Variants in PRKG1 observed in about 807,000 individuals in gnomAD.
PRKG1 encodes the protein protein kinase cGMP-dependent 1, also known as cGMP-dependent protein kinase 1.
A neutral mutation model predicts 88.1 loss-of-function variants in PRKG1; 35 were observed. The ratio of observed to expected loss-of-function variants is 0.40; its 90% CI spans 0.30 to 0.53. The LOEUF is 0.53. Ranked by LOEUF, PRKG1 falls within the 20% of genes least tolerant of loss-of-function variation. The pLI, the probability that PRKG1 is intolerant of heterozygous loss-of-function variation, is 0.59. For synonymous variants in PRKG1, 303 were observed against 292.5 expected, an observed-to-expected ratio of 1.04 and a Z score of -0.37; for missense variants, 540 against 839.8, an observed-to-expected ratio of 0.64 and a Z score of 4.41.
intron 5 of PRKG1, among the ~76,000 whole-genome samples, chr10:51,937,996 G>T (rs1157105772): frequency 6.6e-6 from 1 of 151,942 alleles, no homozygotes; most frequent in Non-Finnish European, 1.5e-5. Context: ...CATCGACATC[G>T]TCCGCTCCTG....
intron 5 of PRKG1, among the ~76,000 whole-genome samples, chr10:51,970,739 ATATATATATATCAGATATATCAGAT>A (rs1467831949): frequency 3.1e-5 from 4 of 128,024 alleles, no homozygotes; most frequent in African/African-American, 1.2e-4. Flanking sequence ...ATATCAGATT[ATATATATATATCAGATATATCAGAT>A]TATATATATA....
Position 51,654,848 on chromosome 10 carries a change from A to G in PRKG1, c.593-149737A>G, listed in dbSNP as rs1564592060. Among the ~76,000 whole-genome samples, 2 of 152,134 alleles carry G rather than the reference A, an allele frequency of 1.3e-5. 1 individual carries two copies. Among genetic ancestry groups the G allele is most frequent in the East Asian group, 3.8e-4 (2 of 5,198 alleles). Reference sequence around the variant, plus strand: ...TTCACTGTTCTAAATTTCTCTGCACATTTTAAGCATGAGGAAGCTGACAGT... The same window carrying G: ...TTCACTGTTCTAAATTTCTCTGCACGTTTTAAGCATGAGGAAGCTGACAGT... On this transcript the variant is annotated intron_variant, in intron 3 of 17. Coordinates refer to ENST00000373980, the MANE Select transcript of PRKG1 (RefSeq NM_006258.4).
At chr10:51,872,603 T>G (rs1841186988) in intron 4 of PRKG1, among the ~76,000 whole-genome samples, 1 of 152,184 alleles carries the variant, frequency 6.6e-6, no homozygotes, top group African/African-American at 2.4e-5. Flanking sequence ...TTAGCATCAT[T>G]AAATAACTAT....
At chr10:51,592,039 G>A (rs1430823108) in intron 3 of PRKG1, among the ~76,000 whole-genome samples, 1 of 152,176 alleles carries the variant, frequency 6.6e-6, no homozygotes, top group Non-Finnish European at 1.5e-5. Context: ...AGTGTGAGCT[G>A]CTGGACAGTT....
chr10:51,501,721 C>T (rs1178334308), intron 3 of PRKG1, among the ~76,000 whole-genome samples: 5 of 151,736 alleles, frequency 3.3e-5, no homozygotes. Context: ...GGCAAAACTC[C>T]CTTTCTTTAT....
At chr10:51,871,374 C>A (rs1841153261) in intron 4 of PRKG1, among the ~76,000 whole-genome samples, 1 of 152,214 alleles carries the variant, frequency 6.6e-6, no homozygotes, top group African/African-American at 2.4e-5. Context: ...GATCCCACGT[C>A]TTCTTGCTTC....
At chr10:52,214,859 A>G (rs2339953) in intron 9 of PRKG1, among the ~76,000 whole-genome samples, 23,909 of 152,068 alleles carry the variant, frequency 0.16, 2,722 homozygotes, top group East Asian at 0.52. Flanking sequence ...GTAACCAATC[A>G]GGAGGCCTTT....
At chr10:52,171,786 ATTTTTT>A (rs545195374) in intron 9 of PRKG1, among the ~76,000 whole-genome samples, 22 of 93,860 alleles carry the variant, frequency 2.3e-4, no homozygotes, top group African/African-American at 5.5e-4. Context: ...TTTTATCAAA[ATTTTTT>A]TTTTTTTTTT....
chr10:51,868,360 C>T (rs1458303358), intron 4 of PRKG1, among the ~76,000 whole-genome samples: 1 of 151,958 alleles, frequency 6.6e-6, no homozygotes. Flanking sequence ...GGCCTTCTTA[C>T]AAAATGGCTT....
intron 8 of PRKG1, among the ~76,000 whole-genome samples, chr10:52,160,106 G>A (rs1339138597): frequency 1.3e-5 from 2 of 151,782 alleles, no homozygotes; most frequent in African/African-American, 4.8e-5. Flanking sequence ...CAGAAAATTA[G>A]CCAGATATTA....
chr10:52,220,867 G>T (rs58826461), intron 9 of PRKG1, among the ~76,000 whole-genome samples: 19,795 of 152,034 alleles, frequency 0.13, 1,653 homozygotes, highest in African/African-American at 0.24. Context: ...GAATAGTGCT[G>T]CAATGAACAT....
At chr10:51,017,287 A>AT (rs781735020) in intron 1 of PRKG1, among the ~76,000 whole-genome samples, 4 of 151,884 alleles carry the variant, frequency 2.6e-5, no homozygotes, top group Non-Finnish European at 5.9e-5. Context: ...ATTTTGTAAA[A>AT]TTTTTTTACA....
At chr10:51,583,460 A>G (rs994452751) in intron 3 of PRKG1, among the ~76,000 whole-genome samples, 1 of 152,138 alleles carries the variant, frequency 6.6e-6, no homozygotes, top group Non-Finnish European at 1.5e-5. Flanking sequence ...GACCTAGACC[A>G]AAGATGTTTC....
intron 9 of PRKG1, among the ~76,000 whole-genome samples, chr10:52,228,221 C>T (rs1840437646): frequency 6.6e-6 from 1 of 151,750 alleles, no homozygotes; most frequent in South Asian, 2.1e-4. Flanking sequence ...TATAGTCTCA[C>T]TTTCATTCAC....
chr10:51,270,225 G>A (rs1031416972), intron 2 of PRKG1, among the ~76,000 whole-genome samples: 9 of 152,134 alleles, frequency 5.9e-5, no homozygotes, highest in African/African-American at 2.2e-4. Context: ...GTATCAAATG[G>A]ACATAGGTTA....
intron 2 of PRKG1, among the ~76,000 whole-genome samples, chr10:51,203,336 G>C (rs145945850): frequency 1.1e-3 from 163 of 152,238 alleles, no homozygotes; most frequent in Middle Eastern, 3.4e-3. Context: ...ACATTAATGT[G>C]TTTTGTTGAC....
intron 1 of PRKG1, among the ~76,000 whole-genome samples, chr10:51,059,082 T>A (rs924298532): frequency 6.6e-6 from 1 of 152,220 alleles, no homozygotes; most frequent in Non-Finnish European, 1.5e-5. Flanking sequence ...TAACATAAAA[T>A]TTCTGTATGC....
At chr10:52,289,502 T>G (rs912111211) in intron 16 of PRKG1, among the ~76,000 whole-genome samples, 11 of 152,062 alleles carry the variant, frequency 7.2e-5, no homozygotes, top group Non-Finnish European at 1.5e-4. Flanking sequence ...ACTAATTGGG[T>G]TTTCTCTATT....
chr10:51,880,503 C>A (rs1034300596), intron 4 of PRKG1, among the ~76,000 whole-genome samples: 1 of 152,110 alleles, frequency 6.6e-6, no homozygotes, highest in Non-Finnish European at 1.5e-5. Flanking sequence ...GAGTTACTAT[C>A]TTTCTGGTTT....
Sources: gnomAD v4.1 joint callset for allele counts (sites outside exome capture counted in the v4.1 genomes callset) on GRCh38, gnomAD v4.1.1 for gene constraint, MANE v1.5 for transcripts, NCBI Gene and HGNC (gene_info 2026-07-23, HGNC 2026-07-21) for gene names.